Variants in CXCL13 observed in about 807,000 individuals in gnomAD.
The protein encoded by CXCL13 is C-X-C motif chemokine ligand 13.
Under a neutral mutation model 12.2 loss-of-function variants are expected in CXCL13, and 7 were observed. The ratio of observed to expected loss-of-function variants is 0.57; its 90% CI spans 0.33 to 1.07. The LOEUF (loss-of-function observed/expected upper bound fraction) is 1.07, where lower values mean the gene tolerates loss of function less well. CXCL13 is among the 50% of genes least tolerant of loss of function. CXCL13 has a pLI of 0.04. For synonymous variants in CXCL13, 47 were observed against 42.4 expected (o/e 1.11, Z -0.42); for missense variants, 113 against 127.4 (o/e 0.89, Z 0.55).
intron 1 of CXCL13, among the ~76,000 whole-genome samples, chr4:77,530,261 G>T (rs777057589): frequency 6.6e-5 from 10 of 152,136 alleles, no homozygotes; most frequent in Non-Finnish European, 7.4e-5. Flanking sequence ...TCTCTGCCAG[G>T]CTTTGGTGTC....
Position 77,596,904 on chromosome 4 carries a change from G to T in CXCL13, c.-42-8920G>T, listed in dbSNP as rs74862988. ...CTCACGATAGCCAAGACGTGGGAAT[G>T]ACCTAAGTGTCTATTGATGGAAGAA... On this transcript the variant is annotated intron_variant, in intron 1 of 4. Transcript: ENST00000286758. Among the ~76,000 whole-genome samples, 160 of 152,230 alleles carry T rather than the reference G, an allele frequency of 1.1e-3. 5 individuals are homozygous for T. The East Asian group carries it at 0.023, about 21-fold the overall frequency.
At chr4:77,553,946 G>T (rs1248175528) in intron 1 of CXCL13, among the ~76,000 whole-genome samples, 1 of 152,134 alleles carries the variant, frequency 6.6e-6, no homozygotes, top group East Asian at 1.9e-4. Flanking sequence ...GACTATGGCT[G>T]ATGCCACATG....
chr4:77,526,932 C>G (rs1001957174), intron 1 of CXCL13, among the ~76,000 whole-genome samples: 1 of 152,160 alleles, frequency 6.6e-6, no homozygotes, highest in Non-Finnish European at 1.5e-5. Context: ...TGGACAGGCT[C>G]AAGCACTGAT....
At chr4:77,553,115 G>A (rs1289410662) in intron 1 of CXCL13, among the ~76,000 whole-genome samples, 3 of 152,158 alleles carry the variant, frequency 2.0e-5, no homozygotes, top group Admixed American at 2.0e-4. Context: ...ACCCAGCAAT[G>A]ACACATACAC....
At chr4:77,547,478 A>G (rs968813076) in intron 1 of CXCL13, among the ~76,000 whole-genome samples, 1 of 152,330 alleles carries the variant, frequency 6.6e-6, no homozygotes, top group East Asian at 1.9e-4. Context: ...TCCCTTTACC[A>G]TTATGTAATG....
chr4:77,578,953 G>A (rs956371725), intron 1 of CXCL13, among the ~76,000 whole-genome samples: 30 of 152,170 alleles, frequency 2.0e-4, no homozygotes, highest in Non-Finnish European at 2.8e-4. Context: ...CAGAAGTGTC[G>A]CATAGCAGTT....
chr4:77,607,304 A>G (rs1179363826), intron 1 of CXCL13, among the ~76,000 whole-genome samples: 1 of 152,142 alleles, frequency 6.6e-6, no homozygotes, highest in Non-Finnish European at 1.5e-5. Flanking sequence ...CAAATTTCAA[A>G]ATTGCTGTGT....
intron 1 of CXCL13, among the ~76,000 whole-genome samples, chr4:77,557,794 A>T (rs779824660): frequency 7.2e-5 from 11 of 152,200 alleles, no homozygotes; most frequent in Admixed American, 1.3e-4. Flanking sequence ...CACACCAGGA[A>T]AATTCTTATT....
At chr4:77,581,357 A>AT (rs1262178755) in intron 1 of CXCL13, among the ~76,000 whole-genome samples, 1 of 152,256 alleles carries the variant, frequency 6.6e-6, no homozygotes, top group Non-Finnish European at 1.5e-5. Context: ...AATATTGGCT[A>AT]TTTTGTTGGA....
chr4:77,610,460 T>A (rs764727785), intron 2 of CXCL13, among the ~76,000 whole-genome samples, 154 bp from the exon 3 acceptor site: 12 of 152,196 alleles, frequency 7.9e-5, no homozygotes, highest in Non-Finnish European at 1.8e-4. Flanking sequence ...TCTGACCCCA[T>A]ACTACAAATC....
chr4:77,548,903 T>A (rs532745796), intron 1 of CXCL13, among the ~76,000 whole-genome samples: 11 of 152,318 alleles, frequency 7.2e-5, no homozygotes, highest in South Asian at 4.1e-4. Flanking sequence ...TTGGGGAAGG[T>A]CTCCTGGGTG....
intron 1 of CXCL13, among the ~76,000 whole-genome samples, chr4:77,546,737 C>T (rs1725376661): frequency 6.6e-6 from 1 of 152,172 alleles, no homozygotes; most frequent in South Asian, 2.1e-4. Context: ...TCTCTTATCT[C>T]CTTCAGTTCT....
At chr4:77,526,365 T>C (rs1578036733) in intron 1 of CXCL13, among the ~76,000 whole-genome samples, 1 of 152,156 alleles carries the variant, frequency 6.6e-6, no homozygotes. Context: ...AAAGGTTGAA[T>C]GCCAACTCAT....
At chr4:77,592,814 T>C (rs1464470704) in intron 1 of CXCL13, among the ~76,000 whole-genome samples, 2 of 152,126 alleles carry the variant, frequency 1.3e-5, no homozygotes, top group Admixed American at 1.3e-4. Context: ...TCCTGGGTCT[T>C]GTGTACTGGC....
At chr4:77,550,487 A>T (rs1725488555) in intron 1 of CXCL13, among the ~76,000 whole-genome samples, 1 of 152,166 alleles carries the variant, frequency 6.6e-6, no homozygotes, top group Non-Finnish European at 1.5e-5. Context: ...GCCATCTGGG[A>T]ACAATCCCAA....
chr4:77,533,784 T>A (rs916205745), intron 1 of CXCL13, among the ~76,000 whole-genome samples: 2 of 152,152 alleles, frequency 1.3e-5, no homozygotes, highest in Non-Finnish European at 2.9e-5. Flanking sequence ...GATCTCAGAC[T>A]GCTGTGCTAG....
At chr4:77,567,319 A>T (rs1248684428) in intron 1 of CXCL13, among the ~76,000 whole-genome samples, 1 of 152,216 alleles carries the variant, frequency 6.6e-6, no homozygotes, top group Admixed American at 6.5e-5. Context: ...AAAAAGTTTT[A>T]CTGCTCACAC....
Position 77,569,137 on chromosome 4 carries a change from G to A in CXCL13, c.-42-36687G>A, listed in dbSNP as rs143363278. On this transcript the variant is annotated intron_variant, in intron 1 of 4. Transcript: ENST00000286758. ...TACCTCAAAATAATGAGACATCTAT[G>A]ACAAACCCACAGCCAACATTATACT... is the stretch of plus-strand genomic sequence containing the variant. 3.9e-3 allele frequency among the ~76,000 whole-genome samples: 595 copies of A among 152,250 alleles called. 5 individuals are homozygous for A. The highest frequency in any genetic ancestry group is 6.8e-3 in the Middle Eastern group (2 of 294).
rs555627949 is a variant in CXCL13, at chr4:77,539,986, G to A, written c.-43+28198G>A. Reference sequence around the variant, plus strand: ...TTGTCCTTGACCATTGGGTCAGAAGGGCCATAAAAACAGGGAGATGCTGAC... The same window carrying A: ...TTGTCCTTGACCATTGGGTCAGAAGAGCCATAAAAACAGGGAGATGCTGAC... On this transcript the variant is annotated intron_variant, in intron 1 of 4. Transcript: ENST00000286758. Among the ~76,000 whole-genome samples the A allele has an allele frequency of 8.2e-4, 124 of 152,088 alleles. 1 individual carries two copies. Among genetic ancestry groups the A allele is most frequent in the African/African-American group, 2.8e-3 (116 of 41,456 alleles).
Sources: gnomAD v4.1 joint callset for allele counts (sites outside exome capture counted in the v4.1 genomes callset) on GRCh38, gnomAD v4.1.1 for gene constraint, MANE v1.5 for transcripts, NCBI Gene and HGNC (gene_info 2026-07-23, HGNC 2026-07-21) for gene names.